Variants in SMCHD1 observed in about 807,000 individuals in gnomAD.
The protein encoded by SMCHD1 is structural maintenance of chromosomes flexible hinge domain containing 1, also known as structural maintenance of chromosomes flexible hinge domain-containing protein 1.
A neutral mutation model predicts 254.7 loss-of-function variants in SMCHD1; 78 were observed. That is an observed-to-expected ratio of 0.31 (90% CI 0.26 to 0.37). SMCHD1 has a LOEUF of 0.37. Ranked by LOEUF, SMCHD1 falls within the 10% of genes least tolerant of loss-of-function variation. SMCHD1 has a pLI of 1.00. For missense variants in SMCHD1, 1,840 were observed against 2,408.1 expected, an observed-to-expected ratio of 0.76 and a Z score of 4.94; for synonymous variants, 766 against 794.9, an observed-to-expected ratio of 0.96 and a Z score of 0.61.
At chr18:2,665,552 C>T (rs906483728) in intron 1 of SMCHD1, among the ~76,000 whole-genome samples, 1 of 152,124 alleles carries the variant, frequency 6.6e-6, no homozygotes, top group African/African-American at 2.4e-5. Flanking sequence ...AACTCCTGAC[C>T]TTGTGATCCG....
chr18:2,769,248 A>T (rs983771557), intron 37 of SMCHD1, among the ~76,000 whole-genome samples: 9 of 152,102 alleles, frequency 5.9e-5, no homozygotes, highest in African/African-American at 1.9e-4. Flanking sequence ...TGATGGGTCT[A>T]TTTCCATGTT....
At position 2,739,499 on chromosome 18, in the gene SMCHD1, C is replaced by G; in HGVS notation, c.3493C>G (p.Gln1165Glu). ...MKGGKTVQMG[Q>E]ELQGEVVIII... The stretch of plus-strand genomic sequence containing the variant: ...AGGAGGAAAAACAGTACAGATGGGC[C>G]AAGAGCTTCAAGGAGAAGTAGGTTA... Residue 1165 changes from glutamine to glutamate, a missense_variant, in exon 27 of 48, where the codon CAA (glutamine) becomes GAA (glutamate). Coordinates refer to ENST00000320876, the MANE Select transcript of SMCHD1 (RefSeq NM_015295.3). 2 of 1,612,782 alleles carry G rather than the reference C, an allele frequency of 1.2e-6. No homozygotes were observed. The highest frequency in any genetic ancestry group is 1.7e-6 in the Non-Finnish European group (2 of 1,179,268).
In SMCHD1 at chr18:2,678,281, CTCTT is replaced by C. The variant is rs57339914; in HGVS notation, c.638+4153_638+4156del. Among the ~76,000 whole-genome samples, 160 of 95,144 alleles carry C rather than the reference CTCTT, an allele frequency of 1.7e-3. 1 individual carries two copies. The Middle Eastern group carries it at 0.025, about 15-fold the overall frequency. The allele number at this position is 95,144 out of a possible 152,430, so 62.4% of individuals were successfully genotyped here. On this transcript the variant is annotated intron_variant, in intron 5 of 47. Coordinates refer to ENST00000320876, the MANE Select transcript of SMCHD1 (RefSeq NM_015295.3). ...TCTCTCTCTCTCTCTCTCCCTCTCT[CTCTT>C]TCTTTCTTTCTTTCTTCCTTTTTTT...
chr18:2,718,961 G>C lies in SMCHD1; in HGVS notation c.2458+527G>C, dbSNP rs2074863087. Among the ~76,000 whole-genome samples the C allele has an allele frequency of 1.3e-5, 2 of 152,010 alleles. No homozygotes were observed. The highest frequency in any genetic ancestry group is 4.8e-5 in the African/African-American group (2 of 41,380). ...ATTGTTGCTGGTAAAGTCTAAAGCT[G>C]TCCTGATTCCTGACCCTGGGCATAT... is the stretch of plus-strand genomic sequence containing the variant. On this transcript the variant is annotated intron_variant, in intron 19 of 47. Transcript: ENST00000320876. This position sits in a 1 kb window ranked among gnomAD's most constrained non-coding sequence, Gnocchi z 4.6.
chr18:2,785,733 G>A (rs892069259), intron 45 of SMCHD1, among the ~76,000 whole-genome samples: 1 of 145,940 alleles, frequency 6.9e-6, no homozygotes, highest in Non-Finnish European at 1.5e-5. Flanking sequence ...ACTGTTTTCG[G>A]TATGCACAGT....
intron 37 of SMCHD1, among the ~76,000 whole-genome samples, chr18:2,765,022 CTT>C (rs1461940067): frequency 7.2e-5 from 11 of 152,138 alleles, no homozygotes; most frequent in Admixed American, 6.5e-5. Flanking sequence ...TGTGTGAACA[CTT>C]TTAAAAATTC....
chr18:2,748,699 A>G (rs1181469442), intron 30 of SMCHD1, among the ~76,000 whole-genome samples: 1 of 151,996 alleles, frequency 6.6e-6, no homozygotes, highest in Non-Finnish European at 1.5e-5. Context: ...CTGGCCATAA[A>G]GTTGTATTTT....
intron 30 of SMCHD1, among the ~76,000 whole-genome samples, chr18:2,748,160 T>C (rs8086338): frequency 0.3 from 45,214 of 151,882 alleles, 6,932 homozygotes; most frequent in East Asian, 0.5. Flanking sequence ...TTGTTCTTTT[T>C]ATGGGGCAAG....
chr18:2,743,874 A>G lies in SMCHD1; in HGVS notation c.3747A>G (p.Leu1249=), dbSNP rs1249159336. ...TTTCTGACTTTATTCGAGTGCAACT[A>G]ATTTCTGGACCTCCTGCTAAACTTC... is the stretch of plus-strand genomic sequence containing the variant. The part of the protein sequence containing the change: ...REFSDFIRVQ[L]ISGPPAKLLL... The change falls in exon 29 of 48, where the codon CTA becomes CTG. Residue 1249 remains leucine, a synonymous_variant. Coordinates refer to ENST00000320876, the MANE Select transcript of SMCHD1 (RefSeq NM_015295.3). 1.9e-6 allele frequency: 3 copies of G among 1,613,354 alleles called. No homozygotes were observed. The highest frequency in any genetic ancestry group is 1.7e-4 in the Middle Eastern group (1 of 6,058).
At chr18:2,773,517 A>G (rs1889296971) in intron 41 of SMCHD1, among the ~76,000 whole-genome samples, 2 of 152,340 alleles carry the variant, frequency 1.3e-5, no homozygotes, top group East Asian at 1.9e-4. Context: ...TTGTCCCCTC[A>G]GAAATACAAA....
At chr18:2,732,178 C>A in intron 24 of SMCHD1, 87 bp from the exon 25 acceptor site, 1 of 960,622 alleles carries the variant, frequency 1.0e-6, no homozygotes, top group Non-Finnish European at 1.6e-6. Flanking sequence ...ATGAGATGGT[C>A]TTCCATAATA....
intron 47 of SMCHD1, among the ~76,000 whole-genome samples, chr18:2,797,511 A>G (rs1018551153): frequency 3.3e-5 from 5 of 152,242 alleles, no homozygotes; most frequent in African/African-American, 1.2e-4. Flanking sequence ...TTTATTCAGT[A>G]AAGATTTGAA....
chr18:2,706,528 G>A, intron 15 of SMCHD1, 58 bp downstream of exon 15: 1 of 1,210,154 alleles, frequency 8.3e-7, no homozygotes, highest in African/African-American at 1.5e-5. Context: ...GAATTGTGCT[G>A]TAAGTATTCT....
chr18:2,735,384 A>G (rs529135390), intron 25 of SMCHD1, among the ~76,000 whole-genome samples: 1 of 152,288 alleles, frequency 6.6e-6, no homozygotes, highest in Non-Finnish European at 1.5e-5. Flanking sequence ...GAACAAGACA[A>G]GGATGCCTGC....
At chr18:2,708,778 G>A (rs1178102411) in intron 17 of SMCHD1, among the ~76,000 whole-genome samples, 2 of 147,410 alleles carry the variant, frequency 1.4e-5, no homozygotes, top group East Asian at 4.0e-4. Context: ...ACCACTCCCA[G>A]CTAATTTTTG....
chr18:2,716,684 G>A (rs1403514816), intron 17 of SMCHD1, among the ~76,000 whole-genome samples: 1 of 152,214 alleles, frequency 6.6e-6, no homozygotes, highest in Non-Finnish European at 1.5e-5. Context: ...CCACTGCCAT[G>A]CCAAAGATCC....
intron 29 of SMCHD1, among the ~76,000 whole-genome samples, chr18:2,744,859 A>G (rs1253754880): frequency 6.6e-6 from 1 of 152,122 alleles, no homozygotes; most frequent in African/African-American, 2.4e-5. Flanking sequence ...TTGTTTTGAA[A>G]GAGTTTCACT....
intron 29 of SMCHD1, 57 bp downstream of exon 29, chr18:2,743,985 C>T (rs2075400402): frequency 7.3e-7 from 1 of 1,366,780 alleles, no homozygotes; most frequent in East Asian, 2.4e-5. Flanking sequence ...TTATTACTTT[C>T]AGATTGTCAG....
chr18:2,677,945 T>A (rs1195129983), intron 5 of SMCHD1, among the ~76,000 whole-genome samples: 1 of 152,160 alleles, frequency 6.6e-6, no homozygotes, highest in African/African-American at 2.4e-5. Context: ...CATTTTTAGT[T>A]GTTTTTCTAG....
Sources: gnomAD v4.1 joint callset for allele counts (sites outside exome capture counted in the v4.1 genomes callset) on GRCh38, gnomAD v4.1.1 for gene constraint, Gnocchi (gnomAD v3.1) non-coding constraint, MANE v1.5 for transcripts, NCBI Gene and HGNC (gene_info 2026-07-23, HGNC 2026-07-21) for gene names.